Variants in SCD5 observed in about 807,000 individuals in gnomAD.
The protein encoded by SCD5 is acyl-CoA-desaturase 4.
A neutral mutation model predicts 30.4 loss-of-function variants in SCD5; 20 were observed. The ratio of observed to expected loss-of-function variants is 0.66; its 90% CI spans 0.46 to 0.96. The LOEUF (loss-of-function observed/expected upper bound fraction) is 0.96, where lower values mean the gene tolerates loss of function less well. Ranked by LOEUF, SCD5 falls within the 40% of genes least tolerant of loss-of-function variation. The probability of loss-of-function intolerance (pLI) is 0.00; values close to 1 mark genes in which losing one functional copy is unlikely to be tolerated. For missense variants in SCD5, 381 were observed against 443.3 expected, an observed-to-expected ratio of 0.86 and a Z score of 1.26; for synonymous variants, 173 against 176.4, an observed-to-expected ratio of 0.98 and a Z score of 0.16.
intron 2 of SCD5, among the ~76,000 whole-genome samples, chr4:82,704,606 C>A (rs114152688): frequency 6.6e-6 from 1 of 152,146 alleles, no homozygotes; most frequent in Admixed American, 6.5e-5. Flanking sequence ...TTATAACAAC[C>A]CTGAGAATGA....
chr4:82,707,573 G>C (rs973784688), intron 1 of SCD5, among the ~76,000 whole-genome samples: 2 of 152,200 alleles, frequency 1.3e-5, no homozygotes, highest in Non-Finnish European at 2.9e-5. Flanking sequence ...GTTTACAAAA[G>C]ATTGTGACTT....
At chr4:82,679,220 A>AAAAGAAAGAAAGAAAGAAAGAAAGAAAG (rs796703848) in intron 3 of SCD5, among the ~76,000 whole-genome samples, 1 of 32,224 alleles carries the variant, frequency 3.1e-5, no homozygotes, top group African/African-American at 1.5e-4. Context: ...AAAAAGAAAG[A>AAAAGAAAGAAAGAAAGAAAGAAAGAAAG]AAAGAAAGAA....
At chr4:82,683,352 G>A (rs1262603650) in intron 2 of SCD5, among the ~76,000 whole-genome samples, 2 of 152,170 alleles carry the variant, frequency 1.3e-5, no homozygotes, top group African/African-American at 4.8e-5. Context: ...TTTTGCATTA[G>A]TTTATTGCTT....
At chr4:82,728,255 C>T (rs79272019) in intron 1 of SCD5, among the ~76,000 whole-genome samples, 15,484 of 152,192 alleles carry the variant, frequency 0.1, 949 homozygotes, top group African/African-American at 0.16. Context: ...CTCCAAGCTA[C>T]CCTTGGTCAT....
chr4:82,787,761 A>G (rs10032939), intron 1 of SCD5, among the ~76,000 whole-genome samples: 16,517 of 152,024 alleles, frequency 0.11, 947 homozygotes, highest in East Asian at 0.13. Context: ...AGACTCAGTG[A>G]CTCATGCCTG....
At chr4:82,762,210 G>A (rs936385140) in intron 1 of SCD5, among the ~76,000 whole-genome samples, 1 of 125,168 alleles carries the variant, frequency 8.0e-6, no homozygotes, top group Non-Finnish European at 1.7e-5. Context: ...AGGGGAGGGG[G>A]AGAGGAGGGG....
intron 1 of SCD5, among the ~76,000 whole-genome samples, chr4:82,758,150 G>A (rs1012473570): frequency 6.6e-6 from 1 of 152,236 alleles, no homozygotes; most frequent in African/African-American, 2.4e-5. Context: ...CACCTCCTGG[G>A]AGAGGGGGAG....
At chr4:82,790,241 G>A (rs1485562665) in intron 1 of SCD5, among the ~76,000 whole-genome samples, 5 of 152,168 alleles carry the variant, frequency 3.3e-5, no homozygotes, top group Admixed American at 6.5e-5. Flanking sequence ...TGTTATGTGC[G>A]ACGGGCTGAG....
intron 3 of SCD5, among the ~76,000 whole-genome samples, chr4:82,654,391 T>A (rs1251716080): frequency 2.6e-5 from 4 of 152,206 alleles, no homozygotes; most frequent in African/African-American, 9.7e-5. Context: ...TCACTGGGAA[T>A]TCATCCCTTT....
intron 3 of SCD5, among the ~76,000 whole-genome samples, chr4:82,650,056 C>T (rs902980738): frequency 6.6e-6 from 1 of 152,200 alleles, no homozygotes; most frequent in African/African-American, 2.4e-5. Flanking sequence ...ATTATGCACA[C>T]TTCATCCCTG....
intron 1 of SCD5, among the ~76,000 whole-genome samples, chr4:82,742,290 T>C (rs944100559): frequency 1.3e-5 from 2 of 152,112 alleles, no homozygotes; most frequent in African/African-American, 4.8e-5. Context: ...TCTGCCTTTC[T>C]GGGTTTTCCT....
chr4:82,705,563 G>T, intron 1 of SCD5, 150 bp from the exon 2 acceptor site: 2 of 1,107,356 alleles, frequency 1.8e-6, no homozygotes, highest in Non-Finnish European at 1.3e-6. Context: ...AGAGGAGGCA[G>T]CCTTTTTATT....
At chr4:82,756,293 G>A (rs1721232499) in intron 1 of SCD5, among the ~76,000 whole-genome samples, 1 of 152,192 alleles carries the variant, frequency 6.6e-6, no homozygotes, top group Non-Finnish European at 1.5e-5. Flanking sequence ...GGACCAGTCA[G>A]GACAGGCATG....
In SCD5 at chr4:82,636,789, C is replaced by G. The variant is rs1168435414; in HGVS notation, c.604G>C (p.Val202Leu). The G allele has an allele frequency of 1.2e-6, 2 of 1,614,064 alleles. No individual in the cohort carries two copies. The highest frequency in any genetic ancestry group is 1.7e-5 in the Admixed American group (1 of 60,010). Residue 202 changes from valine to leucine, a missense_variant, in exon 4 of 5, where the codon GTG becomes CTG. By Grantham distance (32) the Val-to-Leu change is conservative. Coordinates refer to ENST00000319540, the MANE Select transcript of SCD5 (RefSeq NM_001037582.3). ...YKISVVLMCF[V>L]VPTLVPWYIW... ...TACCAGGGCACCAGCGTGGGGACCA[C>G]AAAGCACATGAGCACCACGGAGATC...
At chr4:82,635,528 G>A (rs559975157) in intron 4 of SCD5, among the ~76,000 whole-genome samples, 12 of 150,010 alleles carry the variant, frequency 8.0e-5, no homozygotes, top group Non-Finnish European at 1.0e-4. Context: ...GGCTGAGGCA[G>A]GAGAATGGCG....
chr4:82,782,354 C>A (rs540400967), intron 1 of SCD5, among the ~76,000 whole-genome samples: 1 of 152,096 alleles, frequency 6.6e-6, no homozygotes, highest in African/African-American at 2.4e-5. Flanking sequence ...CAGCGGAAAT[C>A]CAGAAATACA....
At chr4:82,740,470 C>T (rs1348061732) in intron 1 of SCD5, among the ~76,000 whole-genome samples, 1 of 152,186 alleles carries the variant, frequency 6.6e-6, no homozygotes, top group African/African-American at 2.4e-5. Context: ...GTGGCTTTAG[C>T]CAGGCCCCAA....
chr4:82,664,280 T>C (rs1578011311), intron 3 of SCD5, among the ~76,000 whole-genome samples: 1 of 152,160 alleles, frequency 6.6e-6, no homozygotes, highest in Non-Finnish European at 1.5e-5. Flanking sequence ...CAACTTCTGA[T>C]TAATTGACCC....
chr4:82,633,923 G>A (rs777647052), intron 4 of SCD5, among the ~76,000 whole-genome samples: 43 of 152,086 alleles, frequency 2.8e-4, no homozygotes, highest in Admixed American at 3.9e-4. Flanking sequence ...ACCCCCAACC[G>A]CCTCCTACTC....
Sources: gnomAD v4.1 joint callset for allele counts (sites outside exome capture counted in the v4.1 genomes callset) on GRCh38, gnomAD v4.1.1 for gene constraint, MANE v1.5 for transcripts, NCBI Gene and HGNC (gene_info 2026-07-23, HGNC 2026-07-21) for gene names.